The following HMCN2 variants were observed in gnomAD, a reference collection of about 807,000 sequenced individuals.
The protein encoded by HMCN2 is hemicentin 2.
A neutral mutation model predicts 377.5 loss-of-function variants in HMCN2; 325 were observed. The observed-to-expected ratio is 0.86, with a 90% CI of 0.79 to 0.94. HMCN2 has a LOEUF of 0.94. Among genes scored for constraint, HMCN2 ranks in the 40% least tolerant of loss-of-function variants. The pLI, the probability that HMCN2 is intolerant of heterozygous loss-of-function variation, is 0.00. For missense variants in HMCN2, 4,543 were observed against 4,725.3 expected (o/e 0.96, Z 1.13); for synonymous variants, 2,007 against 2,046.8 (o/e 0.98, Z 0.53).
At chr9:130,292,724 A>G (rs1047083286) in intron 4 of HMCN2, among the ~76,000 whole-genome samples, 7 of 152,180 alleles carry the variant, frequency 4.6e-5, no homozygotes, top group South Asian at 2.1e-4. Flanking sequence ...AGCTCCTTCA[A>G]GCTGGTTCCT....
At chr9:130,389,301 C>G (rs984041851) in intron 62 of HMCN2, among the ~76,000 whole-genome samples, 1 of 152,212 alleles carries the variant, frequency 6.6e-6, no homozygotes, top group Admixed American at 6.5e-5. Flanking sequence ...GTAGTACAGT[C>G]ACAGAGTTGT....
Position 130,393,662 on chromosome 9 carries a change from A to C in HMCN2, c.10235-80A>C. 2 of 1,162,390 alleles carry C rather than the reference A, an allele frequency of 1.7e-6. No individual in the cohort carries two copies. Among genetic ancestry groups the C allele is most frequent in the Non-Finnish European group, 2.2e-6 (2 of 923,928 alleles). The allele number at this position is 1,162,390 out of a possible 1,614,324, so 72.0% of individuals were successfully genotyped here. A position where few individuals can be genotyped will look rare whatever the true frequency, so the allele number is the denominator to read the frequency against. On this transcript the variant is annotated intron_variant, in intron 67 of 97. Transcript: ENST00000683500. This position sits in a 1 kb window ranked among gnomAD's most constrained non-coding sequence, Gnocchi z 5.2. Reference sequence around the variant, plus strand: ...TGGGGGACCAGGGCGGCTTCCTGGAAGAGGTGATGTCTAAGCTGAGTACTG... The same window carrying C: ...TGGGGGACCAGGGCGGCTTCCTGGACGAGGTGATGTCTAAGCTGAGTACTG...
At chr9:130,313,600 A>C (rs1292733487) in intron 15 of HMCN2, among the ~76,000 whole-genome samples, 156 of 148,388 alleles carry the variant, frequency 1.1e-3, no homozygotes, top group Admixed American at 1.3e-3. Flanking sequence ...GCATGTGGGC[A>C]CCCCCCCCCA....
chr9:130,431,870 C>T (rs919352569), intron 96 of HMCN2, among the ~76,000 whole-genome samples: 3 of 152,226 alleles, frequency 2.0e-5, no homozygotes, highest in South Asian at 2.1e-4. Context: ...AGCACAGAGC[C>T]GCACAGCTGC....
At chr9:130,301,790 G>T (rs1000678008) in intron 8 of HMCN2, among the ~76,000 whole-genome samples, 4 of 152,222 alleles carry the variant, frequency 2.6e-5, no homozygotes, top group Admixed American at 6.5e-5. Flanking sequence ...ATGGGGAGAC[G>T]GTGACACAAA....
chr9:130,363,952 GA>G (rs561624487), intron 40 of HMCN2, among the ~76,000 whole-genome samples: 8,923 of 146,590 alleles, frequency 0.061, 348 homozygotes, highest in Admixed American at 0.11. Flanking sequence ...GAAAGAGAAA[GA>G]AAAAAAGAGA....
rs563549608 is a variant in HMCN2 at position 130,266,092 on chromosome 9, A to C, written c.214A>C (p.Ser72Arg). ...TCTGGAACGCAGTCTGAGCCGCCGC[A>C]GCCAGGCCATCGCCAACTACGCGCT... The part of the protein sequence containing the change: ...RILERSLSRR[S>R]QAIANYALVP... Residue 72 changes from serine to arginine, a missense_variant, in exon 1 of 98, where the codon AGC (serine) becomes CGC (arginine). Around this residue, in one of 5 missense-constraint regions of HMCN2, gnomAD observed 547 missense variants for 189.9 expected, o/e 2.88. Coordinates refer to ENST00000683500, the MANE Select transcript of HMCN2 (RefSeq NM_001291815.2). 3.8e-5 allele frequency: 18 copies of C among 470,106 alleles called. No individual in the cohort carries two copies. Among genetic ancestry groups the C allele is most frequent in the South Asian group, 2.6e-4 (17 of 64,562 alleles). The allele number at this position is 470,106 out of a possible 1,614,324, so 29.1% of individuals were successfully genotyped here.
chr9:130,428,502 C>G lies in HMCN2; in HGVS notation c.14197+13C>G. ...GCCGGCTGTGAAGGTGATGGGGGCA[C>G]AGCATGCGGCCTGTCCATACTCCTG... On this transcript the variant is annotated intron_variant, in intron 93 of 97. Coordinates refer to ENST00000683500, the MANE Select transcript of HMCN2 (RefSeq NM_001291815.2). The surrounding 1 kb of genome is among the most constrained non-coding windows in gnomAD (Gnocchi z 5.0). 1 of 1,537,870 alleles carries G rather than the reference C, an allele frequency of 6.5e-7. No individual in the cohort carries two copies. Among genetic ancestry groups the G allele is most frequent in the Non-Finnish European group, 8.7e-7 (1 of 1,146,796 alleles).
At chr9:130,400,039 A>G (rs1842788099) in intron 76 of HMCN2, among the ~76,000 whole-genome samples, 1 of 152,292 alleles carries the variant, frequency 6.6e-6, no homozygotes, top group South Asian at 2.1e-4. Flanking sequence ...GGTCTAATCA[A>G]GCTGCTCAGC....
chr9:130,385,753 G>A lies in HMCN2; in HGVS notation c.9300G>A (p.Gln3100=). The A allele has an allele frequency of 7.7e-7, 1 of 1,303,848 alleles. No individual in the cohort carries two copies. Among genetic ancestry groups the A allele is most frequent in the Non-Finnish European group, 1.0e-6 (1 of 988,888 alleles). 80.8% of individuals were successfully genotyped at this position (1,303,848 alleles called of 1,614,324 possible). ...GGGGTGGGCAGAGGCTGGAGATCCA[G>A]GAAGCCCAGGTGAGCAACCCTGGGG... The part of the protein sequence containing the change: ...ALRGGQRLEI[Q]EAQVSDKGLY... The change falls in exon 60 of 98, where the codon CAG becomes CAA. Residue 3100 remains glutamine (Q), a synonymous_variant. Transcript: ENST00000683500.
rs1229330466 is a variant in HMCN2, at chr9:130,386,457, T to A, written c.9324T>A (p.Gly3108=). 1.6e-5 allele frequency: 21 copies of A among 1,303,564 alleles called. No homozygotes were observed. The highest frequency in any genetic ancestry group is 2.0e-5 in the Non-Finnish European group (20 of 988,826). 80.7% of individuals were successfully genotyped at this position (1,303,564 alleles called of 1,614,324 possible). A position where few individuals can be genotyped will look rare whatever the true frequency, so the allele number is the denominator to read the frequency against. ...EIQEAQVSDK[G]LYSCKVSNVA... is the part of the protein sequence containing the mutation. ...TCCTCTTTCAGGTATCGGATAAAGG[T>A]TTATACAGCTGTAAAGTCAGCAACG... Residue 3108 remains glycine, a synonymous_variant, in exon 61 of 98, where the codon GGT becomes GGA. Transcript: ENST00000683500.
chr9:130,288,827 G>T (rs1446051676), intron 4 of HMCN2, among the ~76,000 whole-genome samples: 4 of 152,186 alleles, frequency 2.6e-5, no homozygotes, highest in African/African-American at 9.7e-5. Context: ...GGGTTGCAGG[G>T]TAATTAAAGG....
intron 31 of HMCN2, 72 bp from the exon 32 acceptor site, chr9:130,354,691 C>T (rs1047603506): frequency 1.8e-5 from 21 of 1,192,188 alleles, no homozygotes; most frequent in Middle Eastern, 2.4e-4. Flanking sequence ...CTTCAGCGGG[C>T]CTGTTGGGCT....
chr9:130,277,751 C>CCAT (rs782303621), intron 1 of HMCN2, among the ~76,000 whole-genome samples: 4 of 127,250 alleles, frequency 3.1e-5, no homozygotes, highest in Admixed American at 2.3e-4. Flanking sequence ...ACCACCACCA[C>CCAT]CATCATCATC....
chr9:130,393,266 C>T lies in HMCN2; in HGVS notation c.10191C>T (p.Ser3397=). ...DAGIFTCVAA[S]PAGVADRNFT... ...GCATCTTCACCTGTGTGGCCGCAAG[C>T]CCAGCTGGCGTGGCGGACAGGAACT... is the stretch of plus-strand genomic sequence containing the variant. Residue 3397 remains serine, a synonymous_variant, in exon 67 of 98, where the codon AGC becomes AGT. Coordinates refer to ENST00000683500, the MANE Select transcript of HMCN2 (RefSeq NM_001291815.2). The surrounding 1 kb of genome is among the most constrained non-coding windows in gnomAD (Gnocchi z 5.2). The T allele has an allele frequency of 1.0e-6, 1 of 988,546 alleles. No individual in the cohort carries two copies. Among genetic ancestry groups the T allele is most frequent in the Non-Finnish European group, 1.2e-6 (1 of 830,456 alleles). The allele number at this position is 988,546 out of a possible 1,614,324, so 61.2% of individuals were successfully genotyped here.
rs116420663 is a variant in HMCN2 at position 130,303,899 on chromosome 9, C to G, written c.1543+291C>G. On this transcript the variant is annotated intron_variant, in intron 10 of 97. Transcript: ENST00000683500. The surrounding 1 kb of genome is among the most constrained non-coding windows in gnomAD (Gnocchi z 5.2). ...TCGGGGCTCGGCTTTCAGGGGCCGC[C>G]ATCCATCTCGTGGTCGGGACAACCT... is the stretch of plus-strand genomic sequence containing the variant. Among the ~76,000 whole-genome samples the G allele has an allele frequency of 0.066, 9,988 of 152,294 alleles. 363 individuals are homozygous for G. Among genetic ancestry groups the G allele is most frequent in the South Asian group, 0.11 (533 of 4,824 alleles).
At position 130,391,561 on chromosome 9, in the gene HMCN2, G is replaced by T; in HGVS notation, c.9939G>T (p.Thr3313=). 1.0e-6 allele frequency: 1 copy of T among 987,304 alleles called. No homozygotes were observed. The highest frequency in any genetic ancestry group is 1.2e-6 in the Non-Finnish European group (1 of 830,164). The allele number at this position is 987,304 out of a possible 1,614,324, so 61.2% of individuals were successfully genotyped here. A position where few individuals can be genotyped will look rare whatever the true frequency, so the allele number is the denominator to read the frequency against. The change falls in exon 65 of 98, where the codon ACG becomes ACT. Residue 3313 remains threonine, a synonymous_variant. Transcript: ENST00000683500. ...NPAGEDARLH[T]VNVLVPPTIK... Reference sequence around the variant, plus strand: ...CCGGGGAGGACGCCAGGCTGCACACGGTGAATGTGCTGGGTGAGGAGCCCC... The same window carrying T: ...CCGGGGAGGACGCCAGGCTGCACACTGTGAATGTGCTGGGTGAGGAGCCCC...
intron 48 of HMCN2, among the ~76,000 whole-genome samples, chr9:130,373,964 ATGGTTGGG>A (rs1384537129): frequency 1.3e-5 from 2 of 150,460 alleles, no homozygotes; most frequent in Non-Finnish European, 3.0e-5. Flanking sequence ...AGATGGTTGG[ATGGTTGGG>A]TGGTTGGGTG....
intron 19 of HMCN2, among the ~76,000 whole-genome samples, chr9:130,322,259 A>G (rs1486280946): frequency 6.6e-6 from 1 of 152,146 alleles, no homozygotes; most frequent in Non-Finnish European, 1.5e-5. Flanking sequence ...TACATTTTAC[A>G]TACAGATTCT....
Sources: allele counts gnomAD v4.1 joint callset (sites outside exome capture counted in the v4.1 genomes callset), GRCh38; gene constraint gnomAD v4.1.1; regional missense constraint gnomAD v4.1.1; non-coding constraint Gnocchi (gnomAD v3.1); transcripts MANE v1.5; gene names NCBI Gene and HGNC (gene_info 2026-07-23, HGNC 2026-07-21).